The following SGCG variants were observed in gnomAD, a reference collection of about 807,000 sequenced individuals.
The protein encoded by SGCG is sarcoglycan gamma.
In SGCG, 26 loss-of-function variants were observed where a neutral mutation model predicts 29.3. The ratio of observed to expected loss-of-function variants is 0.89; its 90% confidence interval spans 0.65 to 1.23. The LOEUF (loss-of-function observed/expected upper bound fraction) is 1.23. Ranked by LOEUF, SGCG falls within the 50% of genes most tolerant of loss-of-function variation. The pLI is 0.00. For synonymous variants in SGCG, 145 were observed against 129.7 expected (o/e 1.12, Z -0.80); for missense variants, 353 against 356.0 (o/e 0.99, Z 0.07).
intron 3 of SGCG, 91 bp from the exon 4 acceptor site, chr13:23,250,539 T>G: frequency 1.4e-6 from 1 of 740,256 alleles, no homozygotes. Flanking sequence ...GGATAAATAA[T>G]TTTATAAAAA....
chr13:23,311,966 G>A (rs1288456711), intron 6 of SGCG, among the ~76,000 whole-genome samples: 1 of 151,938 alleles, frequency 6.6e-6, no homozygotes, highest in Non-Finnish European at 1.5e-5. Context: ...TGTTTTCGTT[G>A]CTTTTTTGCA....
At chr13:23,165,796 G>A in the SGCG span, among the ~76,000 whole-genome samples, 1 of 152,074 alleles carries the variant, frequency 6.6e-6, no homozygotes, top group Non-Finnish European at 1.5e-5. Context: ...CAAAGTGCTG[G>A]GATTACAGGA....
intron 3 of SGCG, among the ~76,000 whole-genome samples, chr13:23,247,574 T>G (rs1879762258): frequency 6.6e-6 from 1 of 152,114 alleles, no homozygotes; most frequent in Admixed American, 6.5e-5. Flanking sequence ...CTACTTGTCT[T>G]TAAAAAAATG....
chr13:23,297,003 T>C, intron 6 of SGCG, among the ~76,000 whole-genome samples: 1 of 152,274 alleles, frequency 6.6e-6, no homozygotes, highest in East Asian at 1.9e-4. Flanking sequence ...ACAATTAATA[T>C]ATTTTAATAA....
chr13:23,216,025 C>T lies in SGCG; in HGVS notation c.195+12136C>T, dbSNP rs187057626. Among the ~76,000 whole-genome samples the T allele has an allele frequency of 4.2e-3, 645 of 152,224 alleles. 3 individuals are homozygous for T. The highest frequency in any genetic ancestry group is 9.5e-3 in the South Asian group (46 of 4,828). On this transcript the variant is annotated intron_variant, in intron 2 of 7. Transcript: ENST00000218867. ...AGGATAATTATCTACCTTTTCTTAG[C>T]AATGAAACATATTAGAATCTTGAAC...
intron 1 of SGCG, among the ~76,000 whole-genome samples, chr13:23,185,714 T>C (rs1320671586): frequency 6.6e-6 from 1 of 152,130 alleles, no homozygotes; most frequent in Non-Finnish European, 1.5e-5. Flanking sequence ...TGTTCCCAAA[T>C]CCAGAGAGGG....
intron 5 of SGCG, 146 bp downstream of exon 5, chr13:23,279,624 A>T: frequency 1.3e-6 from 1 of 786,560 alleles, no homozygotes; most frequent in Non-Finnish European, 2.1e-6. Flanking sequence ...ATTTCTGTTG[A>T]ACTCCCTCGA....
chr13:23,251,356 C>T (rs558990316), intron 4 of SGCG, among the ~76,000 whole-genome samples: 4 of 152,302 alleles, frequency 2.6e-5, no homozygotes, highest in African/African-American at 9.6e-5. Flanking sequence ...GCTATGTACA[C>T]CCATCCAATC....
chr13:23,166,961 T>C, the SGCG span, among the ~76,000 whole-genome samples: 589 of 152,338 alleles, frequency 3.9e-3, 1 homozygote, highest in Non-Finnish European at 5.2e-3. Flanking sequence ...TAAATTATTA[T>C]TGACTATAGT....
chr13:23,299,446 A>ATTTTTTTTTTTTT (rs1566037539), intron 6 of SGCG, among the ~76,000 whole-genome samples: 1 of 7,392 alleles, frequency 1.4e-4, no homozygotes, highest in Non-Finnish European at 2.8e-4. Context: ...ATATATATAT[A>ATTTTTTTTTTTTT]TATATATATA....
At chr13:23,239,674 C>A (rs9552889) in intron 3 of SGCG, among the ~76,000 whole-genome samples, 18,823 of 152,186 alleles carry the variant, frequency 0.12, 1,408 homozygotes, top group East Asian at 0.38. Flanking sequence ...AAATGTATGA[C>A]ACTAATGAAA....
chr13:23,187,287 G>T (rs1877018899), intron 1 of SGCG, among the ~76,000 whole-genome samples: 1 of 152,132 alleles, frequency 6.6e-6, no homozygotes. Context: ...CTTCCTCCTT[G>T]ATGCCCAATA....
At chr13:23,280,306 G>A (rs1199864749) in intron 5 of SGCG, among the ~76,000 whole-genome samples, 1 of 152,150 alleles carries the variant, frequency 6.6e-6, no homozygotes, top group Non-Finnish European at 1.5e-5. Context: ...GACACAGGCA[G>A]ATACTTGTTA....
rs1432706111 is a variant in SGCG at position 23,234,643 on chromosome 13, T to TG, written c.230dup (p.Leu78ThrfsTer78). 1.2e-6 allele frequency: 2 copies of TG among 1,612,352 alleles called. No homozygotes were observed. The highest frequency in any genetic ancestry group is 2.7e-5 in the African/African-American group (2 of 74,734). Reference sequence around the variant, plus strand: ...TGGGCCACTTGTGTGTAACAAAAGATGGACTGCGCTTGGAAGGGGAATCAG... The same window carrying TG: ...TGGGCCACTTGTGTGTAACAAAAGATGGGACTGCGCTTGGAAGGGGAATCAG... On this transcript the variant is annotated frameshift_variant, in exon 3 of 8. Coordinates refer to ENST00000218867, the MANE Select transcript of SGCG (RefSeq NM_000231.3). LOFTEE classifies it high-confidence loss of function.
chr13:23,305,086 T>C (rs1231072576), intron 6 of SGCG, among the ~76,000 whole-genome samples: 1 of 152,198 alleles, frequency 6.6e-6, no homozygotes, highest in Non-Finnish European at 1.5e-5. Flanking sequence ...AACTTGAGTA[T>C]TAACTTGTCG....
intron 1 of SGCG, among the ~76,000 whole-genome samples, chr13:23,191,572 C>G (rs956897621): frequency 1.5e-5 from 2 of 130,826 alleles, no homozygotes; most frequent in African/African-American, 5.1e-5. Context: ...AGGAGAAGCC[C>G]GCCATTTGAG....
chr13:23,288,936 C>A (rs1881600050), intron 5 of SGCG, among the ~76,000 whole-genome samples: 1 of 152,166 alleles, frequency 6.6e-6, no homozygotes, highest in South Asian at 2.1e-4. Flanking sequence ...GCAATAGTCC[C>A]AATTCCATTT....
At chr13:23,316,929 G>C (rs551166374) in intron 6 of SGCG, among the ~76,000 whole-genome samples, 1 of 152,100 alleles carries the variant, frequency 6.6e-6, no homozygotes, top group South Asian at 2.1e-4. Context: ...TCATTTGGCC[G>C]GGCGCGGTGG....
chr13:23,259,378 C>T (rs939321295), intron 4 of SGCG, among the ~76,000 whole-genome samples: 12 of 152,012 alleles, frequency 7.9e-5, no homozygotes, highest in East Asian at 1.9e-4. Context: ...TCTGTGGGAT[C>T]GGTGGAGATA....
Sources: gnomAD v4.1 joint callset for allele counts (sites outside exome capture counted in the v4.1 genomes callset) on GRCh38, gnomAD v4.1.1 for gene constraint, MANE v1.5 for transcripts, NCBI Gene and HGNC (gene_info 2026-07-23, HGNC 2026-07-21) for gene names.